The following ELOVL4 variants were observed in gnomAD, a reference collection of about 807,000 sequenced individuals.
The protein encoded by ELOVL4 is ELOVL fatty acid elongase 4, also known as very long chain fatty acid elongase 4.
Under a neutral mutation model 42.1 loss-of-function variants are expected in ELOVL4, and 18 were observed. The observed-to-expected ratio is 0.43, with a 90% CI of 0.30 to 0.63. The LOEUF (loss-of-function observed/expected upper bound fraction) is 0.63. Ranked by LOEUF, ELOVL4 falls within the 30% of genes least tolerant of loss-of-function variation. ELOVL4 has a pLI of 0.15. For synonymous variants in ELOVL4, 117 were observed against 127.0 expected, an observed-to-expected ratio of 0.92 and a Z score of 0.53; for missense variants, 299 against 376.2, an observed-to-expected ratio of 0.79 and a Z score of 1.70.
chr6:79,942,864 A>G (rs1774670635), intron 1 of ELOVL4, among the ~76,000 whole-genome samples: 1 of 152,240 alleles, frequency 6.6e-6, no homozygotes, highest in Admixed American at 6.5e-5. Flanking sequence ...GGAAAAGACA[A>G]TAAAAACCAA....
chr6:79,919,238 TG>T (rs1443128055), intron 5 of ELOVL4, among the ~76,000 whole-genome samples, 181 bp downstream of exon 5: 1 of 152,194 alleles, frequency 6.6e-6, no homozygotes, highest in African/African-American at 2.4e-5. Context: ...AAAGATTTGC[TG>T]GGACCAATAA....
rs367615182 is a variant in ELOVL4, at chr6:79,921,608, T to C, written c.541+17A>G. Reference sequence around the variant, plus strand: ...TATGCAATTAAACGCAAGCAGTATATTCCTGAAAATGCTCACCTTGTCCTC... The same window carrying C: ...TATGCAATTAAACGCAAGCAGTATACTCCTGAAAATGCTCACCTTGTCCTC... On this transcript the variant is annotated intron_variant, in intron 4 of 5. Transcript: ENST00000369816. 1.0e-4 allele frequency: 168 copies of C among 1,613,344 alleles called. No individual in the cohort carries two copies. The highest frequency in any genetic ancestry group is 1.3e-4 in the Non-Finnish European group (159 of 1,179,584).
intron 1 of ELOVL4, among the ~76,000 whole-genome samples, chr6:79,937,756 T>C (rs1774571113): frequency 6.6e-6 from 1 of 152,232 alleles, no homozygotes; most frequent in South Asian, 2.1e-4. Context: ...CCAACTCTGT[T>C]ACTTTCTAGC....
intron 1 of ELOVL4, among the ~76,000 whole-genome samples, chr6:79,933,141 T>C (rs1774478795): frequency 6.6e-6 from 1 of 152,184 alleles, no homozygotes; most frequent in Admixed American, 6.5e-5. Flanking sequence ...ATGACTGTGA[T>C]GATCCCCTAG....
chr6:79,918,778 T>A (rs767883630), intron 5 of ELOVL4, among the ~76,000 whole-genome samples: 2 of 152,226 alleles, frequency 1.3e-5, no homozygotes, highest in African/African-American at 4.8e-5. Context: ...CACACTCAGA[T>A]TGCCACAAAC....
In ELOVL4 at chr6:79,926,248, C is replaced by T. The variant is rs950684247; in HGVS notation, c.234G>A (p.Val78=). 5 of 1,613,824 alleles carry T rather than the reference C, an allele frequency of 3.1e-6. No homozygotes were observed. Among genetic ancestry groups the T allele is most frequent in the Non-Finnish European group, 2.5e-6 (3 of 1,179,898 alleles). The change falls in exon 2 of 6, where the codon GTG becomes GTA. Residue 78 remains valine, a synonymous_variant. Transcript: ENST00000369816. ...CCATCCCAAAATTATAGATAATGAG[C>T]ACTAGACGCATCTGAAAAGGTTCTC... The part of the protein sequence containing the change: ...KDREPFQMRL[V]LIIYNFGMVL...
At chr6:79,938,012 A>T (rs890397289) in intron 1 of ELOVL4, among the ~76,000 whole-genome samples, 1 of 152,236 alleles carries the variant, frequency 6.6e-6, no homozygotes, top group Non-Finnish European at 1.5e-5. Context: ...TACAGGCGTG[A>T]GCCACCATGC....
At chr6:79,933,050 A>G (rs1254779371) in intron 1 of ELOVL4, among the ~76,000 whole-genome samples, 1 of 152,188 alleles carries the variant, frequency 6.6e-6, no homozygotes, top group Non-Finnish European at 1.5e-5. Flanking sequence ...ATGTATAAGC[A>G]GCCCAGAAGC....
intron 3 of ELOVL4, among the ~76,000 whole-genome samples, chr6:79,922,440 T>C (rs1266618459): frequency 6.6e-6 from 1 of 152,196 alleles, no homozygotes; most frequent in African/African-American, 2.4e-5. Context: ...TCTTTTCTTT[T>C]CCTGGGCTCT....
chr6:79,945,260 T>G (rs1481872243), intron 1 of ELOVL4, among the ~76,000 whole-genome samples: 1 of 152,210 alleles, frequency 6.6e-6, no homozygotes, highest in Non-Finnish European at 1.5e-5. Flanking sequence ...AATACCTTCC[T>G]TCGGCCTGCT....
At chr6:79,927,556 T>C (rs1373046727) in intron 1 of ELOVL4, among the ~76,000 whole-genome samples, 1 of 152,176 alleles carries the variant, frequency 6.6e-6, no homozygotes. Context: ...TTAATCTGTG[T>C]CTATATACTG....
chr6:79,939,594 G>T (rs1774608806), intron 1 of ELOVL4, among the ~76,000 whole-genome samples: 1 of 151,868 alleles, frequency 6.6e-6, no homozygotes, highest in South Asian at 2.1e-4. Context: ...CACAATTATG[G>T]TTCACTGAAG....
At position 79,916,596 on chromosome 6, in the gene ELOVL4, G is replaced by A; in HGVS notation, c.*12C>T. ...TTCCTCACTGTCAACAACAGTTAAG[G>A]CCCAGTTCAATTTAATCTCCTTTTG... On this transcript the variant is annotated 3_prime_UTR_variant, in exon 6 of 6. Transcript: ENST00000369816. 1 of 1,613,108 alleles carries A rather than the reference G, an allele frequency of 6.2e-7. No individual in the cohort carries two copies. The highest frequency in any genetic ancestry group is 8.5e-7 in the Non-Finnish European group (1 of 1,179,916).
rs761089059 is a variant in ELOVL4, at chr6:79,926,350, C to G, written c.132G>C (p.Gln44His). 6.2e-7 allele frequency: 1 copy of G among 1,613,946 alleles called. No individual in the cohort carries two copies. The highest frequency in any genetic ancestry group is 8.5e-7 in the Non-Finnish European group (1 of 1,179,948). ...TTATACTTAGTGTAGGCCAAGGAGACTGCATCAGAGGCCAATTTTCCACAC... is the reference window on the plus strand; with the variant it reads ...TTATACTTAGTGTAGGCCAAGGAGAGTGCATCAGAGGCCAATTTTCCACAC... Reference protein sequence around the residue: ...DKRVENWPLMQSPWPTLSIST... With the variant: ...DKRVENWPLMHSPWPTLSIST... The change falls in exon 2 of 6, where the codon CAG becomes CAC. Residue 44 changes from glutamine to histidine, a missense_variant. Physicochemically the swap from Gln to His is conservative, Grantham distance 24. Coordinates refer to ENST00000369816, the MANE Select transcript of ELOVL4 (RefSeq NM_022726.4).
chr6:79,936,780 G>A (rs1448338387), intron 1 of ELOVL4, among the ~76,000 whole-genome samples: 1 of 152,152 alleles, frequency 6.6e-6, no homozygotes, highest in Non-Finnish European at 1.5e-5. Flanking sequence ...AGAACTAGAA[G>A]AGAAGGGCCC....
Position 79,926,094 on chromosome 6 carries a change from G to C in ELOVL4, c.288+100C>G, listed in dbSNP as rs529842687. 84 of 1,091,330 alleles carry C rather than the reference G, an allele frequency of 7.7e-5. No homozygotes were observed. In the African/African-American group the frequency reaches 1.1e-3, roughly 14 times the overall value. The allele number at this position is 1,091,330 out of a possible 1,614,324, so 67.6% of individuals were successfully genotyped here. A position where few individuals can be genotyped will look rare whatever the true frequency, so the allele number is the denominator to read the frequency against. Reference sequence around the variant, plus strand: ...AAATGTACTTTTAGAGTAGCTAACAGTTATGTCTGGGTAAAATATTACAAT... The same window carrying C: ...AAATGTACTTTTAGAGTAGCTAACACTTATGTCTGGGTAAAATATTACAAT... On this transcript the variant is annotated intron_variant, in intron 2 of 5. Transcript: ENST00000369816.
intron 1 of ELOVL4, among the ~76,000 whole-genome samples, chr6:79,940,839 G>A (rs956955178): frequency 1.3e-5 from 2 of 152,054 alleles, no homozygotes; most frequent in African/African-American, 2.4e-5. Flanking sequence ...TACTGTTTTC[G>A]ATAAAATAGT....
Position 79,916,399 on chromosome 6 carries a change from T to C in ELOVL4, c.*209A>G. The C allele has an allele frequency of 1.7e-6, 1 of 595,272 alleles. No homozygotes were observed. The highest frequency in any genetic ancestry group is 2.9e-6 in the Non-Finnish European group (1 of 345,828). 36.9% of individuals were successfully genotyped at this position (595,272 alleles called of 1,614,324 possible). A position where few individuals can be genotyped will look rare whatever the true frequency, so the allele number is the denominator to read the frequency against. On this transcript the variant is annotated 3_prime_UTR_variant, in exon 6 of 6. Coordinates refer to ENST00000369816, the MANE Select transcript of ELOVL4 (RefSeq NM_022726.4). ...GTCTGGAGAATATCAAGGCTAATTT[T>C]TAAAAAAAATGTTTAAAATAAAAAC...
intron 1 of ELOVL4, among the ~76,000 whole-genome samples, chr6:79,931,941 C>G (rs1345318910): frequency 6.6e-6 from 1 of 152,068 alleles, no homozygotes; most frequent in Non-Finnish European, 1.5e-5. Context: ...AAACCTAAAG[C>G]CAAATATCAT....
Sources: gnomAD v4.1 joint callset for allele counts (sites outside exome capture counted in the v4.1 genomes callset) on GRCh38, gnomAD v4.1.1 for gene constraint, MANE v1.5 for transcripts, NCBI Gene and HGNC (gene_info 2026-07-23, HGNC 2026-07-21) for gene names.